USH1C: variants seen among roughly 807,000 people sequenced by gnomAD.
The protein encoded by USH1C is USH1 protein network component harmonin.
In USH1C, 90 loss-of-function variants were observed where a neutral mutation model predicts 119.3. That is an observed-to-expected ratio of 0.75 (90% confidence interval 0.64 to 0.90). The LOEUF (loss-of-function observed/expected upper bound fraction) is 0.90, where lower values mean the gene tolerates loss of function less well. Ranked by LOEUF, USH1C falls within the 40% of genes least tolerant of loss-of-function variation. The pLI, the probability that USH1C is intolerant of heterozygous loss-of-function variation, is 0.00. For synonymous variants in USH1C, 465 were observed against 443.3 expected, an observed-to-expected ratio of 1.05 and a Z score of -0.62; for missense variants, 1,165 against 1,167.7, an observed-to-expected ratio of 1.00 and a Z score of 0.03.
rs190415724 is a variant in USH1C, at chr11:17,538,500, C to A, written c.37-5178G>T. On this transcript the variant is annotated intron_variant, in intron 1 of 26. Transcript: ENST00000005226. Reference sequence around the variant, plus strand: ...CCCAGCCAAACAGGGAGAAAGAGAGCCAGAACAAATTAAATAATGCATGTT... The same window carrying A: ...CCCAGCCAAACAGGGAGAAAGAGAGACAGAACAAATTAAATAATGCATGTT... Among the ~76,000 whole-genome samples, 230 of 152,218 alleles carry A rather than the reference C, an allele frequency of 1.5e-3. 3 individuals are homozygous for A. Among genetic ancestry groups the A allele is most frequent in the Admixed American group, 3.8e-3 (58 of 15,290 alleles).
rs1849464392 is a variant in USH1C, at chr11:17,501,957, G to C, written c.2208C>G (p.Gly736=). Residue 736 remains glycine, a synonymous_variant, in exon 21 of 27, where the codon GGC becomes GGG. Transcript: ENST00000005226. ...FRQDFRKYEE[G]FDPYSMFTPE... ...CTCTTACCATAGAGTAGGGGTCAAA[G>C]CCTTCCTCATATTTCCGGAAATCCT... The C allele has an allele frequency of 6.2e-7, 1 of 1,613,840 alleles. No individual in the cohort carries two copies. The highest frequency in any genetic ancestry group is 8.5e-7 in the Non-Finnish European group (1 of 1,179,894).
chr11:17,522,644 C>T, intron 12 of USH1C, 140 bp downstream of exon 12: 1 of 1,311,004 alleles, frequency 7.6e-7, no homozygotes, highest in Admixed American at 1.7e-5. Flanking sequence ...GACCTACCAC[C>T]AAACTCATCT....
At chr11:17,543,215 T>C (rs1851545735) in intron 1 of USH1C, among the ~76,000 whole-genome samples, 1 of 152,234 alleles carries the variant, frequency 6.6e-6, no homozygotes, top group South Asian at 2.1e-4. Context: ...TATGGGCCTC[T>C]TTATGGGAAG....
chr11:17,494,461 G>A (rs1235084115), intron 26 of USH1C, 85 bp from the exon 27 acceptor site: 1 of 1,464,944 alleles, frequency 6.8e-7, no homozygotes. Context: ...CCACAAGGGG[G>A]AGTACCCACT....
At chr11:17,523,356 T>C (rs568416250) in intron 10 of USH1C, 63 bp downstream of exon 10, 2 of 1,613,616 alleles carry the variant, frequency 1.2e-6, no homozygotes, top group East Asian at 4.5e-5. Flanking sequence ...TCCAGGGTGG[T>C]GGGGATGAGA....
Position 17,522,862 on chromosome 11 carries a change from C to T in USH1C, c.941G>A (p.Arg314Gln), listed in dbSNP as rs769953534. The T allele has an allele frequency of 9.3e-6, 15 of 1,612,848 alleles. No homozygotes were observed. The highest frequency in any genetic ancestry group is 8.9e-5 in the East Asian group (4 of 44,844). The change falls in exon 12 of 27, where the codon CGG becomes CAG. Residue 314 changes from arginine to glutamine, a missense_variant. Physicochemically the swap from Arg to Gln is conservative, Grantham distance 43. Coordinates refer to ENST00000005226, the MANE Select transcript of USH1C (RefSeq NM_153676.4). The stretch of plus-strand genomic sequence containing the variant: ...CCGCTTCTGCATGAGAAGCTCCTGC[C>T]GCTGCAGCTCACGCTGCCGCGCCTC... ...LAEARQRELQ[R>Q]QELLMQKRLA...
intron 15 of USH1C, among the ~76,000 whole-genome samples, chr11:17,513,040 G>A (rs1849963052): frequency 6.6e-6 from 1 of 152,196 alleles, no homozygotes; most frequent in African/African-American, 2.4e-5. Flanking sequence ...CTCCTATGTA[G>A]GTTTATCCTC....
At chr11:17,522,989 C>T (rs1565051396) in intron 11 of USH1C, 63 bp from the exon 12 acceptor site, 1 of 1,596,804 alleles carries the variant, frequency 6.3e-7, no homozygotes, top group Non-Finnish European at 8.5e-7. Flanking sequence ...CCTGACACAC[C>T]CCTGGGGGCC....
Position 17,502,000 on chromosome 11 carries a change from T to A in USH1C, c.2185-20A>T. On this transcript the variant is annotated intron_variant, in intron 20 of 26. Coordinates refer to ENST00000005226, the MANE Select transcript of USH1C (RefSeq NM_153676.4). ...GAAATCCTGGAAGCAAAGGGAGGGC[T>A]TTAGGGCAACACAGCAGAGGGTCTT... 6.2e-7 allele frequency: 1 copy of A among 1,613,080 alleles called. No individual in the cohort carries two copies. The highest frequency in any genetic ancestry group is 8.5e-7 in the Non-Finnish European group (1 of 1,179,496).
intron 24 of USH1C, among the ~76,000 whole-genome samples, chr11:17,497,877 G>C (rs1327872946): frequency 6.6e-6 from 1 of 152,208 alleles, no homozygotes; most frequent in African/African-American, 2.4e-5. Context: ...ACTTAGAAAA[G>C]ACCTTAAGTC....
At chr11:17,528,547 C>T (rs1850817164) in intron 4 of USH1C, among the ~76,000 whole-genome samples, 1 of 152,228 alleles carries the variant, frequency 6.6e-6, no homozygotes, top group Admixed American at 6.5e-5. Context: ...TAACTCGAAA[C>T]ACACGTGCTC....
At chr11:17,527,386 G>A in intron 4 of USH1C, 55 bp from the exon 5 acceptor site, 2 of 1,373,282 alleles carry the variant, frequency 1.5e-6, no homozygotes, top group Non-Finnish European at 2.1e-6. Context: ...CAGGCAGTGG[G>A]GCAGACTCAC....
At chr11:17,499,465 G>C (rs1235847715) in intron 23 of USH1C, among the ~76,000 whole-genome samples, 1 of 152,226 alleles carries the variant, frequency 6.6e-6, no homozygotes, top group African/African-American at 2.4e-5. Flanking sequence ...CAGAGTCTCA[G>C]GGGCAATAAG....
rs1323779064 is a variant in USH1C, at chr11:17,521,215, C to T, written c.1085+131G>A. The T allele has an allele frequency of 7.1e-6, 8 of 1,123,090 alleles. No individual in the cohort carries two copies. In the Admixed American group the frequency reaches 1.2e-4, roughly 17 times the overall value. 69.6% of individuals were successfully genotyped at this position (1,123,090 alleles called of 1,614,324 possible). ...TACTATAATATGACAGGCTTTACTA[C>T]AAATAAAGGAGGACCCACCAGGGGA... On this transcript the variant is annotated intron_variant, in intron 13 of 26. Coordinates refer to ENST00000005226, the MANE Select transcript of USH1C (RefSeq NM_153676.4).
At chr11:17,539,780 C>T (rs554938358) in intron 1 of USH1C, among the ~76,000 whole-genome samples, 28 of 151,346 alleles carry the variant, frequency 1.9e-4, no homozygotes, top group African/African-American at 6.3e-4. Flanking sequence ...CTCTCTGTCT[C>T]TGTCTCTGTC....
chr11:17,497,219 C>G (rs1447769742), intron 24 of USH1C, among the ~76,000 whole-genome samples: 1 of 152,204 alleles, frequency 6.6e-6, no homozygotes, highest in Admixed American at 6.5e-5. Flanking sequence ...GATGCACAAT[C>G]AAGTGGGGGA....
In USH1C at chr11:17,526,861, G is replaced by A. The variant is rs374226881; in HGVS notation, c.522-51C>T. The A allele has an allele frequency of 5.6e-6, 9 of 1,603,546 alleles. No homozygotes were observed. The African/African-American group carries it at 8.0e-5, about 14-fold the overall frequency. ...AGGGTGGTTAGCGAGAGACGTTTGAGGAACCAGGCCCCACATCCAGATCCA... is the reference window on the plus strand; with the variant it reads ...AGGGTGGTTAGCGAGAGACGTTTGAAGAACCAGGCCCCACATCCAGATCCA... On this transcript the variant is annotated intron_variant, in intron 6 of 26. Transcript: ENST00000005226.
chr11:17,515,507 C>A (rs1245189242), intron 15 of USH1C, among the ~76,000 whole-genome samples: 1 of 152,148 alleles, frequency 6.6e-6, no homozygotes, highest in Non-Finnish European at 1.5e-5. Flanking sequence ...AAGCGCTGGT[C>A]AAGTGATAAC....
chr11:17,504,572 A>T, intron 20 of USH1C, 75 bp downstream of exon 20: 2 of 1,530,830 alleles, frequency 1.3e-6, no homozygotes, highest in Non-Finnish European at 1.8e-6. Context: ...ACTCCCAGAG[A>T]GAAAGAAGTG....
Sources: gnomAD v4.1 joint callset for allele counts (sites outside exome capture counted in the v4.1 genomes callset) on GRCh38, gnomAD v4.1.1 for gene constraint, MANE v1.5 for transcripts, NCBI Gene and HGNC (gene_info 2026-07-23, HGNC 2026-07-21) for gene names.